The following ACBD6 variants were observed in gnomAD, a reference collection of about 807,000 sequenced individuals.
ACBD6 encodes the protein acyl-CoA binding domain containing 6.
ACBD6 carries 28 observed loss-of-function variants against 37.2 expected under a neutral mutation model. The ratio of observed to expected loss-of-function variants is 0.75; its 90% CI spans 0.56 to 1.03. ACBD6 has a LOEUF of 1.03. Ranked by LOEUF, ACBD6 falls within the 50% of genes least tolerant of loss-of-function variation. ACBD6 has a pLI of 0.00. For missense variants in ACBD6, 340 were observed against 337.4 expected (o/e 1.01, Z -0.06); for synonymous variants, 113 against 126.8 (o/e 0.89, Z 0.73).
intron 9 of ACBD6, chr1:180,278,074 G>C (rs1201176689): frequency 6.6e-6 from 1 of 152,174 alleles, no homozygotes; most frequent in Non-Finnish European, 1.5e-5. Flanking sequence ...AAGGCTGTGT[G>C]TTGTATGACA....
intron 3 of ACBD6, among the ~76,000 whole-genome samples, chr1:180,433,372 G>A (rs1351923502): frequency 2.0e-5 from 3 of 151,952 alleles, no homozygotes; most frequent in Non-Finnish European, 4.4e-5. Context: ...AATAAACTAG[G>A]AATAGAATAA....
At chr1:180,426,830 C>A (rs77334300) in intron 4 of ACBD6, among the ~76,000 whole-genome samples, 2 of 152,052 alleles carry the variant, frequency 1.3e-5, no homozygotes, top group Admixed American at 6.6e-5. Flanking sequence ...TATAATTATC[C>A]CCATTTTACA....
intron 1 of ACBD6, among the ~76,000 whole-genome samples, chr1:180,501,411 C>T (rs1651966687): frequency 6.6e-6 from 1 of 152,124 alleles, no homozygotes; most frequent in Non-Finnish European, 1.5e-5. Context: ...TGCAATGGCG[C>T]ACAATCTTCG....
intron 3 of ACBD6, among the ~76,000 whole-genome samples, chr1:180,456,535 A>C (rs1259493433): frequency 6.6e-6 from 1 of 152,210 alleles, no homozygotes; most frequent in Non-Finnish European, 1.5e-5. Context: ...TTCCACCCTA[A>C]GAAAGCACAT....
intron 6 of ACBD6, among the ~76,000 whole-genome samples, chr1:180,389,864 G>C (rs913519550): frequency 6.6e-6 from 1 of 151,942 alleles, no homozygotes; most frequent in African/African-American, 2.4e-5. Context: ...TTTTTTTCTT[G>C]TAAATTGGTT....
At chr1:180,292,730 C>T (rs947555311) in intron 7 of ACBD6, among the ~76,000 whole-genome samples, 2 of 151,816 alleles carry the variant, frequency 1.3e-5, no homozygotes, top group African/African-American at 4.8e-5. Context: ...CTTTTTCTTG[C>T]CTTAATGCAT....
intron 6 of ACBD6, among the ~76,000 whole-genome samples, chr1:180,341,077 G>A (rs1181432378): frequency 6.6e-6 from 1 of 152,118 alleles, no homozygotes; most frequent in Admixed American, 6.6e-5. Flanking sequence ...CTTGGGTGGA[G>A]GTTTGGAAGA....
At chr1:180,339,208 G>T (rs1426706034) in intron 6 of ACBD6, among the ~76,000 whole-genome samples, 1 of 152,160 alleles carries the variant, frequency 6.6e-6, no homozygotes, top group Non-Finnish European at 1.5e-5. Context: ...TATAAATCAT[G>T]CTGCTATAAA....
At chr1:180,401,541 T>A (rs563890063) in intron 5 of ACBD6, among the ~76,000 whole-genome samples, 1 of 152,140 alleles carries the variant, frequency 6.6e-6, no homozygotes, top group African/African-American at 2.4e-5. Flanking sequence ...CCCAGCACTT[T>A]GGGAGTCCGA....
intron 7 of ACBD6, among the ~76,000 whole-genome samples, chr1:180,307,049 G>A (rs150153546): frequency 2.3e-4 from 35 of 152,310 alleles, no homozygotes; most frequent in African/African-American, 8.4e-4. Context: ...AGAGATATCT[G>A]CACTGCCATG....
intron 9 of ACBD6, among the ~76,000 whole-genome samples, chr1:180,280,750 A>G (rs765588092): frequency 6.6e-6 from 1 of 152,206 alleles, no homozygotes; most frequent in Non-Finnish European, 1.5e-5. Flanking sequence ...GTAGGGGAAT[A>G]CAGAAGGTGC....
At chr1:180,331,623 C>G (rs1651482733) in intron 6 of ACBD6, among the ~76,000 whole-genome samples, 1 of 152,150 alleles carries the variant, frequency 6.6e-6, no homozygotes. Context: ...TTTGCTACAT[C>G]TGATTGTTTA....
chr1:180,362,588 C>G (rs981494155), intron 6 of ACBD6, among the ~76,000 whole-genome samples: 4 of 152,188 alleles, frequency 2.6e-5, no homozygotes, highest in African/African-American at 9.7e-5. Flanking sequence ...GTTCCTAATG[C>G]ATTCACTATT....
chr1:180,346,597 C>A (rs1652189226), intron 6 of ACBD6, among the ~76,000 whole-genome samples: 1 of 152,172 alleles, frequency 6.6e-6, no homozygotes, highest in South Asian at 2.1e-4. Context: ...AAGAGGACTG[C>A]AAACTCTAGA....
intron 6 of ACBD6, among the ~76,000 whole-genome samples, chr1:180,320,764 T>C (rs1378911931): frequency 2.6e-5 from 4 of 152,198 alleles, no homozygotes; most frequent in African/African-American, 9.6e-5. Flanking sequence ...ACTTTGTTGA[T>C]TGTTTCCTTT....
intron 3 of ACBD6, among the ~76,000 whole-genome samples, chr1:180,433,631 G>C (rs1245197337): frequency 6.6e-6 from 1 of 151,982 alleles, no homozygotes; most frequent in African/African-American, 2.4e-5. Context: ...CAGAGAGAGA[G>C]CGAGAGTGAG....
intron 5 of ACBD6, among the ~76,000 whole-genome samples, 187 bp downstream of exon 5, chr1:180,413,179 A>G (rs1202555411): frequency 1.3e-5 from 2 of 152,234 alleles, no homozygotes; most frequent in African/African-American, 4.8e-5. Flanking sequence ...AAACACAGAT[A>G]AAAATATGTT....
chr1:180,353,082 GT>G (rs1187061403), intron 6 of ACBD6, among the ~76,000 whole-genome samples: 4 of 152,116 alleles, frequency 2.6e-5, no homozygotes, highest in African/African-American at 9.7e-5. Flanking sequence ...ATATTATCTT[GT>G]TTGTTTTTAG....
chr1:180,336,667 C>T (rs1651732473), intron 6 of ACBD6, among the ~76,000 whole-genome samples: 1 of 151,218 alleles, frequency 6.6e-6, no homozygotes, highest in Non-Finnish European at 1.5e-5. Flanking sequence ...AAGATCAGAG[C>T]AGAACTGAAG....
Sources: gnomAD v4.1 joint callset for allele counts (sites outside exome capture counted in the v4.1 genomes callset) on GRCh38, gnomAD v4.1.1 for gene constraint, MANE v1.5 for transcripts, NCBI Gene and HGNC (gene_info 2026-07-23, HGNC 2026-07-21) for gene names.